The following ASB11 variants were observed in gnomAD, a reference collection of about 807,000 sequenced individuals.
ASB11 encodes the protein ankyrin repeat and SOCS box protein 11.
A neutral mutation model predicts 20.1 loss-of-function variants in ASB11; 17 were observed. That is an observed-to-expected ratio of 0.85 (90% CI 0.58 to 1.27). The LOEUF (loss-of-function observed/expected upper bound fraction) is 1.27, where lower values mean the gene tolerates loss of function less well. ASB11 is among the 50% of genes most tolerant of loss of function. The pLI, the probability that ASB11 is intolerant of heterozygous loss-of-function variation, is 0.00. For synonymous variants in ASB11, 107 were observed against 105.6 expected (o/e 1.01, Z -0.08); for missense variants, 259 against 256.9 (o/e 1.01, Z -0.06).
intron 1 of ASB11, 132 bp from the exon 2 acceptor site, chrX:15,302,939 A>C: frequency 3.8e-6 from 2 of 531,916 alleles, no homozygotes; most frequent in Admixed American, 3.2e-5. Context: ...ATCACGCATC[A>C]GGCTCTCTCG....
intron 1 of ASB11, among the ~76,000 whole-genome samples, 199 bp from the exon 2 acceptor site, chrX:15,303,006 G>A (rs1285228417): frequency 9.0e-6 from 1 of 111,695 alleles, no homozygotes; most frequent in African/African-American, 3.3e-5. Context: ...CGGTTTGGTG[G>A]TGCGTGCCAA....
Position 15,302,944 on chromosome X carries a change from C to T in ASB11, c.182-137G>A, listed in dbSNP as rs150858220. The T allele has an allele frequency of 3.9e-3, 1,958 of 501,206 alleles. 39 individuals are homozygous for T. In the African/African-American group the frequency reaches 0.04, roughly 10 times the overall value. The allele number at this position is 501,206 out of a possible 1,213,427, so 41.3% of individuals were successfully genotyped here. ...GGAAGCAGGTATCACGCATCAGGCT[C>T]TCTCGTCAGCCACTTTCAGGGAGAC... On this transcript the variant is annotated intron_variant, in intron 1 of 6. Coordinates refer to ENST00000480796, the MANE Select transcript of ASB11 (RefSeq NM_080873.3).
intron 3 of ASB11, among the ~76,000 whole-genome samples, chrX:15,296,655 G>A (rs139245811): frequency 0.011 from 1,254 of 111,767 alleles, 21 homozygotes; most frequent in African/African-American, 0.037. Context: ...TTAAAAGCTC[G>A]CTCATTTTGA....
chrX:15,312,176 T>G (rs1921447958), intron 1 of ASB11, among the ~76,000 whole-genome samples: 1 of 110,107 alleles, frequency 9.1e-6, no homozygotes, highest in South Asian at 3.9e-4. Context: ...CAGTGATCCA[T>G]CTGGTGCTCT....
At chrX:15,284,251 C>CAAAAAAAA (rs60542067) in intron 6 of ASB11, among the ~76,000 whole-genome samples, 2 of 72,314 alleles carry the variant, frequency 2.8e-5, no homozygotes, top group Non-Finnish European at 5.1e-5. Context: ...GACTCCGCCT[C>CAAAAAAAA]AAAAAAAAAA....
chrX:15,304,273 G>C (rs1329644680), intron 1 of ASB11, among the ~76,000 whole-genome samples: 6 of 112,109 alleles, frequency 5.4e-5, no homozygotes, highest in African/African-American at 1.9e-4. Context: ...ATCAGGGTTA[G>C]AAACATTTCA....
intron 1 of ASB11, 124 bp downstream of exon 1, chrX:15,315,301 A>G: frequency 3.3e-6 from 2 of 598,164 alleles, no homozygotes; most frequent in Non-Finnish European, 4.7e-6. Context: ...TTAAGTGACA[A>G]TTTTTCAAAC....
Position 15,293,207 on chromosome X carries a change from C to A in ASB11, c.483G>T (p.Val161=). 2 of 1,211,559 alleles carry A rather than the reference C, an allele frequency of 1.7e-6. No homozygotes were observed. The highest frequency in any genetic ancestry group is 2.2e-6 in the Non-Finnish European group (2 of 895,380). Residue 161 remains valine (V), a synonymous_variant, in exon 4 of 7, where the codon GTG becomes GTT. Coordinates refer to ENST00000480796, the MANE Select transcript of ASB11 (RefSeq NM_080873.3). ...CCTCATGGATGGGCGAGGCCAGGTG[C>A]ACCTCCAACTGGGCCTTGGCTCCGA... ...LEFGAKAQLE[V]HLASPIHEAV... is the part of the protein sequence containing the mutation.
intron 6 of ASB11, among the ~76,000 whole-genome samples, chrX:15,285,123 G>C (rs1216045480): frequency 9.6e-6 from 1 of 104,303 alleles, no homozygotes; most frequent in Non-Finnish European, 2.0e-5. Flanking sequence ...CTCTGATGTA[G>C]TTGGTATTTA....
intron 4 of ASB11, among the ~76,000 whole-genome samples, chrX:15,292,392 A>G (rs1927557347): frequency 8.9e-6 from 1 of 112,203 alleles, no homozygotes. Flanking sequence ...GTATAAGAGA[A>G]CAACTCCCTC....
chrX:15,302,643 C>A, intron 2 of ASB11, 85 bp downstream of exon 2: 1 of 992,423 alleles, frequency 1.0e-6, no homozygotes, highest in Admixed American at 2.3e-5. Flanking sequence ...TAGGGTGAGC[C>A]ACACCTCTGC....
At chrX:15,296,634 T>C (rs1920967345) in intron 3 of ASB11, among the ~76,000 whole-genome samples, 1 of 112,242 alleles carries the variant, frequency 8.9e-6, no homozygotes, top group African/African-American at 3.2e-5. Flanking sequence ...TTTCCCCCAA[T>C]GTATTATTTA....
At chrX:15,312,434 A>C (rs1231339469) in intron 1 of ASB11, among the ~76,000 whole-genome samples, 2 of 106,236 alleles carry the variant, frequency 1.9e-5, no homozygotes, top group African/African-American at 6.8e-5. Context: ...AAAAAAAAAA[A>C]AACAACTTTC....
chrX:15,302,133 G>A (rs1301755537), intron 2 of ASB11, among the ~76,000 whole-genome samples: 1 of 111,621 alleles, frequency 9.0e-6, no homozygotes, highest in Non-Finnish European at 1.9e-5. Flanking sequence ...GCCCTGTGGA[G>A]AGGCTCATGT....
intron 4 of ASB11, among the ~76,000 whole-genome samples, chrX:15,291,002 A>C (rs2147688952): frequency 8.9e-6 from 1 of 111,877 alleles, no homozygotes; most frequent in African/African-American, 3.2e-5. Context: ...AGGGTATTTA[A>C]TACATATTTT....
intron 4 of ASB11, among the ~76,000 whole-genome samples, chrX:15,290,510 A>C (rs1927506140): frequency 1.8e-5 from 2 of 112,514 alleles, no homozygotes; most frequent in African/African-American, 6.4e-5. Flanking sequence ...TTTCATATTC[A>C]GTGGCTAACA....
intron 1 of ASB11, chrX:15,314,470 C>T: frequency 8.3e-7 from 1 of 1,201,537 alleles, no homozygotes; most frequent in Middle Eastern, 2.3e-4. Context: ...CTCATTTTCC[C>T]CAGTTAATTG....
At chrX:15,301,730 C>A (rs1360656379) in intron 2 of ASB11, among the ~76,000 whole-genome samples, 2 of 112,337 alleles carry the variant, frequency 1.8e-5, no homozygotes, top group Non-Finnish European at 3.8e-5. Context: ...CAAATACTTA[C>A]CAGGCCCCTA....
At chrX:15,304,270 T>A (rs1921162574) in intron 1 of ASB11, among the ~76,000 whole-genome samples, 1 of 112,038 alleles carries the variant, frequency 8.9e-6, no homozygotes, top group Non-Finnish European at 1.9e-5. Flanking sequence ...AGAATCAGGG[T>A]TAGAAACATT....
Sources: allele counts gnomAD v4.1 joint callset (sites outside exome capture counted in the v4.1 genomes callset), GRCh38; gene constraint gnomAD v4.1.1; transcripts MANE v1.5; gene names NCBI Gene and HGNC (gene_info 2026-07-23, HGNC 2026-07-21).